FRMD4B: variants seen among roughly 807,000 people sequenced by gnomAD.
FRMD4B encodes FERM domain-containing protein 4B.
In FRMD4B, 74 loss-of-function variants were observed where a neutral mutation model predicts 141.5. The observed-to-expected ratio is 0.52, with a 90% CI of 0.43 to 0.63. The LOEUF is 0.63. Ranked by LOEUF, FRMD4B falls within the 30% of genes least tolerant of loss-of-function variation. FRMD4B has a pLI of 0.00. For synonymous variants in FRMD4B, 506 were observed against 467.9 expected, an observed-to-expected ratio of 1.08 and a Z score of -1.05; for missense variants, 1,366 against 1,253.4, an observed-to-expected ratio of 1.09 and a Z score of -1.36.
chr3:69,359,533 AG>A (rs1703415989), intron 1 of FRMD4B, among the ~76,000 whole-genome samples: 1 of 152,184 alleles, frequency 6.6e-6, no homozygotes. Context: ...TAGCAGCTGG[AG>A]GGGGTGCACT....
intron 1 of FRMD4B, among the ~76,000 whole-genome samples, chr3:69,351,715 T>A (rs926789908): frequency 6.6e-6 from 1 of 152,178 alleles, no homozygotes; most frequent in African/African-American, 2.4e-5. Context: ...AGAGCATAGA[T>A]TCGGAACTCA....
At chr3:69,424,596 A>G (rs374494539) in intron 2 of FRMD4B, among the ~76,000 whole-genome samples, 11 of 152,364 alleles carry the variant, frequency 7.2e-5, no homozygotes, top group African/African-American at 1.9e-4. Flanking sequence ...CAAACAGCCA[A>G]TAAATATACA....
intron 1 of FRMD4B, among the ~76,000 whole-genome samples, chr3:69,378,037 C>G (rs1704020101): frequency 6.8e-6 from 1 of 147,584 alleles, no homozygotes. Flanking sequence ...GCCAGCTGGT[C>G]TCGAACTCCT....
At chr3:69,504,393 T>C (rs72937404) in intron 1 of FRMD4B, among the ~76,000 whole-genome samples, 3 of 152,140 alleles carry the variant, frequency 2.0e-5, no homozygotes, top group Admixed American at 6.5e-5. Flanking sequence ...TATTCAGAGT[T>C]GTGCAACCAT....
At chr3:69,481,096 T>C (rs557289226) in intron 1 of FRMD4B, among the ~76,000 whole-genome samples, 4 of 152,180 alleles carry the variant, frequency 2.6e-5, no homozygotes, top group African/African-American at 7.2e-5. Context: ...TGACCTGATT[T>C]TCCAGGTGCT....
chr3:69,182,361 TGGTAATATGTGACTG>T (rs2092716957), intron 20 of FRMD4B, among the ~76,000 whole-genome samples: 1 of 152,200 alleles, frequency 6.6e-6, no homozygotes. Context: ...GAATAATGAA[TGGTAATATGTGACTG>T]GGGAAATTAA....
rs372165387 is a variant in FRMD4B at position 69,297,782 on chromosome 3, G to T, written c.416+4561C>A. 2.4e-4 allele frequency among the ~76,000 whole-genome samples: 36 copies of T among 152,282 alleles called. No homozygotes were observed. The East Asian group carries it at 7.0e-3, about 29-fold the overall frequency. On this transcript the variant is annotated intron_variant, in intron 4 of 22. Coordinates refer to ENST00000398540, the MANE Select transcript of FRMD4B (RefSeq NM_015123.3). The stretch of plus-strand genomic sequence containing the variant: ...ACCCCCAGCCTGGGGAAGTCCCCCA[G>T]AAACCTGGGGGAGTTTGGACTCCCA...
chr3:69,222,964 A>T (rs1215221574), intron 8 of FRMD4B, among the ~76,000 whole-genome samples: 1 of 152,222 alleles, frequency 6.6e-6, no homozygotes, highest in Non-Finnish European at 1.5e-5. Context: ...GAGATCAGCA[A>T]GTGTTAGGCA....
Position 69,177,633 on chromosome 3 carries a change from A to G in FRMD4B, c.2852-977T>C, listed in dbSNP as rs980113792. Among the ~76,000 whole-genome samples, 4 of 152,214 alleles carry G rather than the reference A, an allele frequency of 2.6e-5. No homozygotes were observed. In the South Asian group the frequency reaches 6.2e-4, roughly 24 times the overall value. ...CCACTGCACTACAGCCTGGGCCACCAAGTGAGATCCTATCCCAAGAAAGAA... is the reference window on the plus strand; with the variant it reads ...CCACTGCACTACAGCCTGGGCCACCGAGTGAGATCCTATCCCAAGAAAGAA... On this transcript the variant is annotated intron_variant, in intron 21 of 22. Coordinates refer to ENST00000398540, the MANE Select transcript of FRMD4B (RefSeq NM_015123.3).
intron 1 of FRMD4B, among the ~76,000 whole-genome samples, chr3:69,320,518 A>G (rs1020170595): frequency 6.6e-6 from 1 of 152,190 alleles, no homozygotes; most frequent in African/African-American, 2.4e-5. Flanking sequence ...GCTGGAGCCC[A>G]GCAGCAGTTC....
Position 69,502,627 on chromosome 3 carries a change from G to T in FRMD4B, c.-129+39579C>A, listed in dbSNP as rs970164661. Reference sequence around the variant, plus strand: ...CATTCAGGACATAGGCATCGGCAAGGACTTCATGTCTAAAACACCAAAAGC... The same window carrying T: ...CATTCAGGACATAGGCATCGGCAAGTACTTCATGTCTAAAACACCAAAAGC... On this transcript the variant is annotated intron_variant, in intron 1 of 5. Coordinates refer to the FRMD4B transcript ENST00000459638. Among the ~76,000 whole-genome samples, 11 of 152,160 alleles carry T rather than the reference G, an allele frequency of 7.2e-5. No individual in the cohort carries two copies. The East Asian group carries it at 2.1e-3, about 29-fold the overall frequency.
chr3:69,408,750 G>T (rs923690471), intron 2 of FRMD4B, among the ~76,000 whole-genome samples: 12 of 152,070 alleles, frequency 7.9e-5, no homozygotes, highest in African/African-American at 2.4e-4. Context: ...TCCTGGCAGG[G>T]GACCAGAGCC....
chr3:69,464,694 C>T (rs1180597256), intron 1 of FRMD4B, among the ~76,000 whole-genome samples: 1 of 152,150 alleles, frequency 6.6e-6, no homozygotes, highest in African/African-American at 2.4e-5. Flanking sequence ...TGCCAATATC[C>T]CCGAGTGATC....
chr3:69,409,539 CT>C (rs1289650744), intron 2 of FRMD4B, among the ~76,000 whole-genome samples: 4 of 152,178 alleles, frequency 2.6e-5, no homozygotes, highest in African/African-American at 4.8e-5. Context: ...AGCATTCACC[CT>C]CATTCTTCTA....
At chr3:69,410,718 AATAAATAAATATATATATATAT>A (rs1389581780) in intron 2 of FRMD4B, among the ~76,000 whole-genome samples, 1 of 72,426 alleles carries the variant, frequency 1.4e-5, no homozygotes, top group Admixed American at 1.9e-4. Flanking sequence ...TAAATAAATA[AATAAATAAATATATATATATAT>A]ATATATATAT....
intron 3 of FRMD4B, among the ~76,000 whole-genome samples, chr3:69,304,798 A>G (rs565151873): frequency 6.6e-6 from 1 of 152,148 alleles, no homozygotes; most frequent in Non-Finnish European, 1.5e-5. Flanking sequence ...ATCTAAGAAC[A>G]TGCTGATGGT....
chr3:69,222,578 C>T (rs140337160), intron 8 of FRMD4B, among the ~76,000 whole-genome samples: 2,464 of 151,832 alleles, frequency 0.016, 69 homozygotes, highest in African/African-American at 0.057. Context: ...TTGAGGCCAG[C>T]CTGGCCAACA....
At chr3:69,322,415 C>T (rs1056126371) in intron 1 of FRMD4B, among the ~76,000 whole-genome samples, 1 of 152,148 alleles carries the variant, frequency 6.6e-6, no homozygotes, top group Non-Finnish European at 1.5e-5. Context: ...AGTGCCTACC[C>T]TCCCAATGTG....
chr3:69,480,085 G>A (rs904305566), intron 1 of FRMD4B, among the ~76,000 whole-genome samples: 4 of 152,022 alleles, frequency 2.6e-5, no homozygotes, highest in African/African-American at 9.7e-5. Context: ...TCTCTGTATT[G>A]GTTATTCTAG....
Sources: gnomAD v4.1 joint callset for allele counts (sites outside exome capture counted in the v4.1 genomes callset) on GRCh38, gnomAD v4.1.1 for gene constraint, MANE v1.5 for transcripts, NCBI Gene and HGNC (gene_info 2026-07-23, HGNC 2026-07-21) for gene names.